RBPJ: variants seen among roughly 807,000 people sequenced by gnomAD.
The protein encoded by RBPJ is recombining binding protein suppressor of hairless.
In RBPJ, 9 loss-of-function variants were observed where a neutral mutation model predicts 67.8. The ratio of observed to expected loss-of-function variants is 0.13; its 90% confidence interval spans 0.08 to 0.23. The LOEUF (loss-of-function observed/expected upper bound fraction) is 0.23. RBPJ is among the 10% of genes least tolerant of loss of function. The pLI is 1.00. For missense variants in RBPJ, 305 were observed against 595.6 expected, an observed-to-expected ratio of 0.51 and a Z score of 5.08; for synonymous variants, 198 against 203.3, an observed-to-expected ratio of 0.97 and a Z score of 0.22.
At chr4:26,333,453 C>A (rs1231013475) in intron 1 of RBPJ, among the ~76,000 whole-genome samples, 1 of 152,118 alleles carries the variant, frequency 6.6e-6, no homozygotes, top group South Asian at 2.1e-4. Context: ...TTTAAAGTTA[C>A]ACTTGATTAG....
At chr4:26,376,125 A>C (rs1003683879) in intron 1 of RBPJ, among the ~76,000 whole-genome samples, 3 of 152,230 alleles carry the variant, frequency 2.0e-5, no homozygotes, top group African/African-American at 7.2e-5. Flanking sequence ...TAAAATATAC[A>C]TAATGTAAAA....
At chr4:26,308,189 T>G (rs1472525596) in intron 1 of RBPJ, among the ~76,000 whole-genome samples, 1 of 151,706 alleles carries the variant, frequency 6.6e-6, no homozygotes, top group Non-Finnish European at 1.5e-5. Context: ...GGCGGGAGAA[T>G]GGCGTGAGCC....
chr4:26,320,438 A>T (rs1416198236), upstream of RBPJ: 2 of 361,892 alleles, frequency 5.5e-6, no homozygotes, highest in Non-Finnish European at 1.0e-5. Context: ...ACTTGCCCGA[A>T]CCCCAGACAT....
At chr4:26,186,179 C>T (rs1264694965) in intron 1 of RBPJ, among the ~76,000 whole-genome samples, 1 of 145,154 alleles carries the variant, frequency 6.9e-6, no homozygotes, top group Admixed American at 6.9e-5. Flanking sequence ...TCTTTCTGCT[C>T]CCCCCTTTTT....
chr4:26,312,171 A>G (rs1021859988), intron 1 of RBPJ, among the ~76,000 whole-genome samples: 6 of 150,294 alleles, frequency 4.0e-5, no homozygotes, highest in African/African-American at 7.3e-5. Context: ...TCGCTCTGTC[A>G]CCCAGGCTGG....
At position 26,420,515 on chromosome 4, in the gene RBPJ, TTTTGCTGCTGTTAAAA is replaced by T. The variant is rs1735022953; in HGVS notation, c.322-35_322-20del. 2 of 1,498,214 alleles carry T rather than the reference TTTTGCTGCTGTTAAAA, an allele frequency of 1.3e-6. No homozygotes were observed. Among genetic ancestry groups the T allele is most frequent in the Non-Finnish European group, 1.8e-6 (2 of 1,109,608 alleles). 92.8% of individuals were successfully genotyped at this position (1,498,214 alleles called of 1,614,324 possible). Reference sequence around the variant, plus strand: ...TTAGGTACTACATAAACAAACAAGGTTTTGCTGCTGTTAAAACTTTACTTTTCTTTCACAGAACTAT... The same window carrying T: ...TTAGGTACTACATAAACAAACAAGGTCTTTACTTTTCTTTCACAGAACTAT... On this transcript the variant is annotated intron_variant, in intron 4 of 10. Transcript: ENST00000355476.
rs1328041832 is a variant in RBPJ at position 26,430,144 on chromosome 4, T to C, written c.1044+91T>C. 1 of 1,429,646 alleles carries C rather than the reference T, an allele frequency of 7.0e-7. No homozygotes were observed. The highest frequency in any genetic ancestry group is 1.2e-5 in the South Asian group (1 of 86,916). 88.6% of individuals were successfully genotyped at this position (1,429,646 alleles called of 1,614,324 possible). A position where few individuals can be genotyped will look rare whatever the true frequency, so the allele number is the denominator to read the frequency against. ...CATTTCATTTCATGGGAGTTTTGAT[T>C]TTTCTCCAATCGTCTGATTAGGGGA... On this transcript the variant is annotated intron_variant, in intron 9 of 10. Coordinates refer to ENST00000355476, the MANE Select transcript of RBPJ (RefSeq NM_015874.6). The surrounding 1 kb of genome is among the most constrained non-coding windows in gnomAD (Gnocchi z 4.1).
At chr4:26,362,613 T>A (rs1357260768) in intron 1 of RBPJ, 1 of 1,614,050 alleles carries the variant, frequency 6.2e-7, no homozygotes, top group South Asian at 1.1e-5. Flanking sequence ...TGAAGTACCA[T>A]GGCGTGGATT....
chr4:26,360,679 T>G (rs557401389), intron 1 of RBPJ, among the ~76,000 whole-genome samples: 3 of 151,086 alleles, frequency 2.0e-5, no homozygotes, highest in South Asian at 4.2e-4. Flanking sequence ...CTGCAACCTC[T>G]GCTTCCCAGG....
chr4:26,429,008 A>C (rs970864500), intron 8 of RBPJ, 148 bp downstream of exon 8: 4 of 617,534 alleles, frequency 6.5e-6, no homozygotes, highest in African/African-American at 1.9e-5. Flanking sequence ...AGCATCCTTA[A>C]CACACAATCC....
rs1427046274 is a variant in RBPJ, at chr4:26,430,362, G to A, written c.1045-57G>A. ...AAAGTTGAATGAGAATCTAATTTGT[G>A]TACTTTAATGAAAAATGAAAAGTTT... On this transcript the variant is annotated intron_variant, in intron 9 of 10. Coordinates refer to ENST00000355476, the MANE Select transcript of RBPJ (RefSeq NM_015874.6). This position sits in a 1 kb window ranked among gnomAD's most constrained non-coding sequence, Gnocchi z 4.1. 6 of 1,348,722 alleles carry A rather than the reference G, an allele frequency of 4.4e-6. No individual in the cohort carries two copies. Among genetic ancestry groups the A allele is most frequent in the Non-Finnish European group, 6.4e-6 (6 of 944,654 alleles). The allele number at this position is 1,348,722 out of a possible 1,614,324, so 83.5% of individuals were successfully genotyped here.
chr4:26,228,157 A>G (rs1459603678), intron 1 of RBPJ, among the ~76,000 whole-genome samples: 4 of 152,220 alleles, frequency 2.6e-5, no homozygotes, highest in Non-Finnish European at 1.5e-5. Context: ...ATGAAAGCGA[A>G]TCTGCCACAG....
chr4:26,269,750 G>A (rs555087128), intron 1 of RBPJ, among the ~76,000 whole-genome samples: 6 of 152,136 alleles, frequency 3.9e-5, no homozygotes, highest in African/African-American at 7.2e-5. Context: ...AGGAGGAAGC[G>A]GTGAGCGGGT....
At chr4:26,253,046 A>G (rs1214545780) in intron 1 of RBPJ, among the ~76,000 whole-genome samples, 1 of 152,210 alleles carries the variant, frequency 6.6e-6, no homozygotes, top group Non-Finnish European at 1.5e-5. Flanking sequence ...TCTTAGGGGT[A>G]TTCAATGACA....
chr4:26,152,611 G>A, the RBPJ span, among the ~76,000 whole-genome samples: 1 of 152,166 alleles, frequency 6.6e-6, no homozygotes, highest in African/African-American at 2.4e-5. Context: ...CTTGTATAAA[G>A]AATTCTTACC....
At chr4:26,179,369 C>T (rs886164474) in intron 1 of RBPJ, among the ~76,000 whole-genome samples, 11 of 150,876 alleles carry the variant, frequency 7.3e-5, no homozygotes, top group Non-Finnish European at 1.3e-4. Flanking sequence ...GCGGATGGAG[C>T]CCCACTGTGG....
chr4:26,330,821 G>A (rs1386465944), intron 1 of RBPJ, among the ~76,000 whole-genome samples: 1 of 152,188 alleles, frequency 6.6e-6, no homozygotes, highest in Non-Finnish European at 1.5e-5. Flanking sequence ...GCTAGGCTAT[G>A]ATTCTGTGTG....
chr4:26,383,320 T>C (rs1049676104), intron 1 of RBPJ, among the ~76,000 whole-genome samples: 1 of 152,242 alleles, frequency 6.6e-6, no homozygotes, highest in Non-Finnish European at 1.5e-5. Flanking sequence ...AATTTACAGT[T>C]GAATTTTGAG....
At chr4:26,285,124 G>A (rs950818631) in intron 1 of RBPJ, among the ~76,000 whole-genome samples, 1 of 151,924 alleles carries the variant, frequency 6.6e-6, no homozygotes, top group Admixed American at 6.6e-5. Flanking sequence ...CAAAGTGCTG[G>A]GATTACAGGT....
Sources: allele counts gnomAD v4.1 joint callset (sites outside exome capture counted in the v4.1 genomes callset), GRCh38; gene constraint gnomAD v4.1.1; non-coding constraint Gnocchi (gnomAD v3.1); transcripts MANE v1.5; gene names NCBI Gene and HGNC (gene_info 2026-07-23, HGNC 2026-07-21).